DEF6: variants seen among roughly 807,000 people sequenced by gnomAD.
DEF6 encodes differentially expressed in FDCP 6 homolog.
A neutral mutation model predicts 80.5 loss-of-function variants in DEF6; 32 were observed. The ratio of observed to expected loss-of-function variants is 0.40; its 90% CI spans 0.30 to 0.53. The LOEUF (loss-of-function observed/expected upper bound fraction) is 0.53, where lower values mean the gene tolerates loss of function less well. Among genes scored for constraint, DEF6 ranks in the 20% least tolerant of loss-of-function variants. DEF6 has a pLI of 0.57. For missense variants in DEF6, 575 were observed against 818.7 expected (o/e 0.70, Z 3.63); for synonymous variants, 300 against 337.9 (o/e 0.89, Z 1.23).
chr6:35,321,133 C>CG, intron 10 of DEF6, 54 bp from the exon 11 acceptor site: 2 of 1,581,756 alleles, frequency 1.3e-6, no homozygotes, highest in Non-Finnish European at 1.7e-6. Context: ...CAAGGCCCCT[C>CG]GCCTCTCACC....
chr6:35,307,805 G>T (rs937243690), intron 1 of DEF6, among the ~76,000 whole-genome samples: 1 of 152,124 alleles, frequency 6.6e-6, no homozygotes, highest in Non-Finnish European at 1.5e-5. Context: ...AGGACACTGA[G>T]GCAAAGTCTC....
chr6:35,308,517 A>G (rs1390452808), intron 1 of DEF6, among the ~76,000 whole-genome samples: 1 of 151,986 alleles, frequency 6.6e-6, no homozygotes, highest in Non-Finnish European at 1.5e-5. Context: ...TACTAAAAAT[A>G]CAAAAATTAG....
intron 5 of DEF6, among the ~76,000 whole-genome samples, chr6:35,317,341 G>T (rs991017189): frequency 6.6e-6 from 1 of 152,212 alleles, no homozygotes; most frequent in Non-Finnish European, 1.5e-5. Flanking sequence ...AAGCTGTATA[G>T]GTGGAGTGAA....
chr6:35,301,279 G>T (rs1179883376), intron 1 of DEF6, among the ~76,000 whole-genome samples: 2 of 152,188 alleles, frequency 1.3e-5, no homozygotes, highest in Non-Finnish European at 2.9e-5. Context: ...ACCCCTGTGT[G>T]CTACTGGTCT....
chr6:35,306,935 A>T (rs912471786), intron 1 of DEF6, among the ~76,000 whole-genome samples: 6 of 152,378 alleles, frequency 3.9e-5, no homozygotes, highest in Admixed American at 3.3e-4. Context: ...CCATGAGCAC[A>T]CAAGTGGGAA....
In DEF6 at chr6:35,312,502, G is replaced by A. The variant is rs1791481427; in HGVS notation, c.624G>A (p.Glu208=). The A allele has an allele frequency of 6.2e-7, 1 of 1,614,052 alleles. No homozygotes were observed. Among genetic ancestry groups the A allele is most frequent in the African/African-American group, 1.3e-5 (1 of 74,934 alleles). The change falls in exon 4 of 11, where the codon GAG becomes GAA. Residue 208 remains glutamate, a synonymous_variant. Coordinates refer to ENST00000316637, the MANE Select transcript of DEF6 (RefSeq NM_022047.4). The surrounding 1 kb of genome is among the most constrained non-coding windows in gnomAD (Gnocchi z 6.6). ...GRDTLSMAIH[E]VYQELIQDVL... ...ACACCCTCAGCATGGCCATCCACGA[G>A]GTCTACCAGGAGCTCATCCAAGATG...
At chr6:35,317,216 G>A (rs548327918) in intron 5 of DEF6, among the ~76,000 whole-genome samples, 6 of 152,262 alleles carry the variant, frequency 3.9e-5, no homozygotes, top group African/African-American at 1.2e-4. Context: ...ACGGATCTAC[G>A]CAGAAGTCCA....
chr6:35,319,045 T>C lies in DEF6; in HGVS notation c.1216-479T>C, dbSNP rs1391089169. 6.6e-6 allele frequency among the ~76,000 whole-genome samples: 1 copy of C among 152,046 alleles called. No homozygotes were observed. Among genetic ancestry groups the C allele is most frequent in the Non-Finnish European group, 1.5e-5 (1 of 68,008 alleles). On this transcript the variant is annotated intron_variant, in intron 7 of 10. Transcript: ENST00000316637. The surrounding 1 kb of genome is among the most constrained non-coding windows in gnomAD (Gnocchi z 4.5). ...CTTATCAGTAAAATGCTAATGCTAATAGAACTTTGCTCACAGAGGTACGGT... is the reference window on the plus strand; with the variant it reads ...CTTATCAGTAAAATGCTAATGCTAACAGAACTTTGCTCACAGAGGTACGGT...
rs780620376 is a variant in DEF6, at chr6:35,312,500, G to A, written c.622G>A (p.Glu208Lys). 9.9e-6 allele frequency: 16 copies of A among 1,614,050 alleles called. No homozygotes were observed. Among genetic ancestry groups the A allele is most frequent in the Non-Finnish European group, 1.2e-5 (14 of 1,180,054 alleles). Reference protein sequence around the residue: ...GRDTLSMAIHEVYQELIQDVL... With the variant: ...GRDTLSMAIHKVYQELIQDVL... ...GGACACCCTCAGCATGGCCATCCAC[G>A]AGGTCTACCAGGAGCTCATCCAAGA... The change falls in exon 4 of 11, where the codon GAG (glutamate) becomes AAG (lysine). Residue 208 changes from glutamate to lysine, a missense_variant. Transcript: ENST00000316637. The surrounding 1 kb of genome is among the most constrained non-coding windows in gnomAD (Gnocchi z 6.6).
intron 1 of DEF6, among the ~76,000 whole-genome samples, chr6:35,304,168 A>C (rs1183721275): frequency 3.3e-5 from 5 of 152,074 alleles, no homozygotes; most frequent in Non-Finnish European, 7.4e-5. Context: ...TATACACACA[A>C]AAATTAGCCG....
chr6:35,318,167 C>T lies in DEF6; in HGVS notation c.917-6C>T. The T allele has an allele frequency of 6.5e-7, 1 of 1,549,288 alleles. No individual in the cohort carries two copies. The highest frequency in any genetic ancestry group is 1.2e-5 in the South Asian group (1 of 81,638). ...ATCCTACTGACCCGCTCCCGCTCTTCGGCAGCCATCCAGATGGCGATCCGG... is the reference window on the plus strand; with the variant it reads ...ATCCTACTGACCCGCTCCCGCTCTTTGGCAGCCATCCAGATGGCGATCCGG... On this transcript the variant is annotated splice_region_variant and splice_polypyrimidine_tract_variant and intron_variant, in intron 6 of 10. Transcript: ENST00000316637. This position sits in a 1 kb window ranked among gnomAD's most constrained non-coding sequence, Gnocchi z 5.1.
Position 35,318,164 on chromosome 6 carries a change from C to A in DEF6, c.917-9C>A. The stretch of plus-strand genomic sequence containing the variant: ...AGGATCCTACTGACCCGCTCCCGCT[C>A]TTCGGCAGCCATCCAGATGGCGATC... On this transcript the variant is annotated splice_polypyrimidine_tract_variant and intron_variant, in intron 6 of 10. Coordinates refer to ENST00000316637, the MANE Select transcript of DEF6 (RefSeq NM_022047.4). The surrounding 1 kb of genome is among the most constrained non-coding windows in gnomAD (Gnocchi z 5.1). 1 of 1,548,420 alleles carries A rather than the reference C, an allele frequency of 6.5e-7. No individual in the cohort carries two copies. The highest frequency in any genetic ancestry group is 1.2e-5 in the South Asian group (1 of 81,372).
At position 35,297,867 on chromosome 6, in the gene DEF6, G is replaced by T. The variant is rs138793522; in HGVS notation, c.11G>T (p.Arg4Leu). The stretch of plus-strand genomic sequence containing the variant: ...GCGGGCGCCTCAGCCATGGCCCTGC[G>T]CAAGGAACTGCTCAAGTCCATCTGG... MAL[R>L]KELLKSIWYA... is the part of the protein sequence containing the mutation. The change falls in exon 1 of 11, where the codon CGC (arginine) becomes CTC (leucine). Residue 4 changes from arginine to leucine, a missense_variant. Coordinates refer to ENST00000316637, the MANE Select transcript of DEF6 (RefSeq NM_022047.4). 1 of 1,602,254 alleles carries T rather than the reference G, an allele frequency of 6.2e-7. No individual in the cohort carries two copies. The highest frequency in any genetic ancestry group is 8.5e-7 in the Non-Finnish European group (1 of 1,175,382).
At chr6:35,303,858 CA>C (rs1791356990) in intron 1 of DEF6, among the ~76,000 whole-genome samples, 1 of 152,104 alleles carries the variant, frequency 6.6e-6, no homozygotes, top group South Asian at 2.1e-4. Context: ...TTAGGCCCAG[CA>C]CGGTGGCTCT....
chr6:35,302,125 G>A (rs893097011), intron 1 of DEF6, among the ~76,000 whole-genome samples: 2 of 152,030 alleles, frequency 1.3e-5, no homozygotes, highest in African/African-American at 4.8e-5. Flanking sequence ...ACTTTGGGAG[G>A]CCATGGCAAG....
Position 35,319,346 on chromosome 6 carries a change from G to A in DEF6, c.1216-178G>A, listed in dbSNP as rs1791559644. Among the ~76,000 whole-genome samples, 1 of 151,912 alleles carries A rather than the reference G, an allele frequency of 6.6e-6. No individual in the cohort carries two copies. The highest frequency in any genetic ancestry group is 1.5e-5 in the Non-Finnish European group (1 of 67,984). ...TTCCCCCACGTGGCATCTGTTCACCGACCATTATCTGTTCCAGTCAGGCTC... is the reference window on the plus strand; with the variant it reads ...TTCCCCCACGTGGCATCTGTTCACCAACCATTATCTGTTCCAGTCAGGCTC... On this transcript the variant is annotated intron_variant, in intron 7 of 10. Coordinates refer to ENST00000316637, the MANE Select transcript of DEF6 (RefSeq NM_022047.4). This position sits in a 1 kb window ranked among gnomAD's most constrained non-coding sequence, Gnocchi z 4.5.
rs1791567159 is a variant in DEF6 at position 35,319,809 on chromosome 6, C to T, written c.1383-10C>T. On this transcript the variant is annotated splice_polypyrimidine_tract_variant and intron_variant, in intron 8 of 10. Transcript: ENST00000316637. This position sits in a 1 kb window ranked among gnomAD's most constrained non-coding sequence, Gnocchi z 4.5. ...CACTAGAGGCTACACAGTACACACT[C>T]ACCCGGCAGACTGCTGGAAGAGGAG... 1 of 1,601,488 alleles carries T rather than the reference C, an allele frequency of 6.2e-7. No homozygotes were observed.
rs1261176671 is a variant in DEF6 at position 35,312,236 on chromosome 6, C to T, written c.424-66C>T. On this transcript the variant is annotated intron_variant, in intron 3 of 10. Coordinates refer to ENST00000316637, the MANE Select transcript of DEF6 (RefSeq NM_022047.4). The surrounding 1 kb of genome is among the most constrained non-coding windows in gnomAD (Gnocchi z 6.6). ...CAGGCTCTGGGAGCCAGATAGAGCACTCCCTGGTGTTGGTGCTGGCAACAC... is the reference window on the plus strand; with the variant it reads ...CAGGCTCTGGGAGCCAGATAGAGCATTCCCTGGTGTTGGTGCTGGCAACAC... The T allele has an allele frequency of 6.3e-6, 9 of 1,420,084 alleles. No individual in the cohort carries two copies. The highest frequency in any genetic ancestry group is 8.8e-6 in the Non-Finnish European group (9 of 1,017,646). The allele number at this position is 1,420,084 out of a possible 1,614,324, so 88.0% of individuals were successfully genotyped here.
chr6:35,297,867 G>C lies in DEF6; in HGVS notation c.11G>C (p.Arg4Pro). The change falls in exon 1 of 11, where the codon CGC becomes CCC. Residue 4 changes from arginine to proline, a missense_variant. By Grantham distance (103) the Arg-to-Pro change is moderately radical. Transcript: ENST00000316637. ...GCGGGCGCCTCAGCCATGGCCCTGC[G>C]CAAGGAACTGCTCAAGTCCATCTGG... MALRKELLKSIWYA... is the reference protein window; with the variant it reads MALPKELLKSIWYA... 1 of 1,602,254 alleles carries C rather than the reference G, an allele frequency of 6.2e-7. No individual in the cohort carries two copies. Among genetic ancestry groups the C allele is most frequent in the Non-Finnish European group, 8.5e-7 (1 of 1,175,382 alleles).
Sources: gnomAD v4.1 joint callset for allele counts (sites outside exome capture counted in the v4.1 genomes callset) on GRCh38, gnomAD v4.1.1 for gene constraint, Gnocchi (gnomAD v3.1) non-coding constraint, MANE v1.5 for transcripts, NCBI Gene and HGNC (gene_info 2026-07-23, HGNC 2026-07-21) for gene names.